Variants in RGS12 observed in about 807,000 individuals in gnomAD.
RGS12 encodes the protein regulator of G-protein signaling 12.
Under a neutral mutation model 120.1 loss-of-function variants are expected in RGS12, and 66 were observed. The ratio of observed to expected loss-of-function variants is 0.55; its 90% CI spans 0.45 to 0.67. RGS12 has a LOEUF of 0.67. Among genes scored for constraint, RGS12 ranks in the 30% least tolerant of loss-of-function variants. The pLI, the probability that RGS12 is intolerant of heterozygous loss-of-function variation, is 0.00. For missense variants in RGS12, 1,859 were observed against 1,957.7 expected, an observed-to-expected ratio of 0.95 and a Z score of 0.95; for synonymous variants, 827 against 804.7, an observed-to-expected ratio of 1.03 and a Z score of -0.47.
chr4:3,355,569 C>T (rs549756843), intron 3 of RGS12, among the ~76,000 whole-genome samples: 1 of 151,954 alleles, frequency 6.6e-6, no homozygotes, highest in Admixed American at 6.6e-5. Flanking sequence ...CTGAAGTGGG[C>T]AGATCATTTG....
Position 3,425,580 on chromosome 4 carries a change from C to G in RGS12, c.3331+20C>G. 1 of 1,459,866 alleles carries G rather than the reference C, an allele frequency of 6.8e-7. No homozygotes were observed. Among genetic ancestry groups the G allele is most frequent in the Non-Finnish European group, 9.2e-7 (1 of 1,087,338 alleles). The allele number at this position is 1,459,866 out of a possible 1,614,324, so 90.4% of individuals were successfully genotyped here. On this transcript the variant is annotated intron_variant, in intron 14 of 17. Coordinates refer to ENST00000336727, the MANE Select transcript of RGS12 (RefSeq NM_001394154.1). ...GAAAGGGTGAGTAGGGCTGGTGCAG[C>G]GGATGGGGAGAGGGTGAGTGGGTCC...
At chr4:3,334,861 G>A (rs1712272297) in intron 2 of RGS12, among the ~76,000 whole-genome samples, 1 of 152,096 alleles carries the variant, frequency 6.6e-6, no homozygotes, top group South Asian at 2.1e-4. Flanking sequence ...CTGATGTGTT[G>A]GGTGACTGGC....
At chr4:3,436,125 C>G (rs1232923079) in intron 17 of RGS12, among the ~76,000 whole-genome samples, 1 of 147,770 alleles carries the variant, frequency 6.8e-6, no homozygotes, top group Non-Finnish European at 1.5e-5. Context: ...ACAGGGGGAC[C>G]TTGGGGGGGT....
chr4:3,394,176 T>G (rs1007812724), intron 4 of RGS12, among the ~76,000 whole-genome samples: 1 of 152,136 alleles, frequency 6.6e-6, no homozygotes, highest in African/African-American at 2.4e-5. Flanking sequence ...TTTTTTTTCT[T>G]TTTTGAGACA....
chr4:3,287,602 A>G, the RGS12 span, among the ~76,000 whole-genome samples: 1 of 152,340 alleles, frequency 6.6e-6, no homozygotes, highest in South Asian at 2.1e-4. Context: ...TAGGAATAAT[A>G]TGGTCTACTT....
intron 3 of RGS12, among the ~76,000 whole-genome samples, chr4:3,383,163 G>C (rs541317756): frequency 1.3e-5 from 2 of 152,254 alleles, no homozygotes; most frequent in South Asian, 4.1e-4. Context: ...AGGATCTCAG[G>C]TTGAGGGGAC....
rs1227857970 is a variant in RGS12 at position 3,416,047 on chromosome 4, G to A, written c.2353G>A (p.Asp785Asn). ...CAAAGCCACCACCCCGGTCAACATC[G>A]ACAGCCAGGCCCAGCTAGCAGACGA... ...CSKATTPVNIDSQAQLADDVL... is the reference protein window; with the variant it reads ...CSKATTPVNINSQAQLADDVL... Residue 785 changes from aspartate to asparagine, a missense_variant, in exon 7 of 18, where the codon GAC (aspartate) becomes AAC (asparagine). Asp to Asn is a conservative substitution (Grantham distance 23, BLOSUM62 1). Coordinates refer to ENST00000336727, the MANE Select transcript of RGS12 (RefSeq NM_001394154.1). 1.9e-5 allele frequency: 31 copies of A among 1,613,844 alleles called. No homozygotes were observed. The highest frequency in any genetic ancestry group is 2.3e-5 in the Non-Finnish European group (27 of 1,180,006).
intron 17 of RGS12, among the ~76,000 whole-genome samples, chr4:3,436,108 C>T (rs1450517939): frequency 1.3e-5 from 2 of 150,766 alleles, no homozygotes; most frequent in African/African-American, 2.4e-5. Flanking sequence ...GCTGGGGACC[C>T]ACACGGACAG....
intron 14 of RGS12, among the ~76,000 whole-genome samples, chr4:3,427,861 C>G (rs140943780): frequency 6.6e-6 from 1 of 152,354 alleles, no homozygotes; most frequent in East Asian, 1.9e-4. Context: ...CATCACTCCT[C>G]CAGCAAGTCC....
At chr4:3,413,273 T>C (rs1251589411) in intron 4 of RGS12, 1 of 152,270 alleles carries the variant, frequency 6.6e-6, no homozygotes, top group African/African-American at 2.4e-5. Flanking sequence ...CTTCTCTTTA[T>C]TCGAGAGCTC....
At chr4:3,357,341 C>G (rs1271868776) in intron 3 of RGS12, among the ~76,000 whole-genome samples, 2 of 152,096 alleles carry the variant, frequency 1.3e-5, no homozygotes, top group Non-Finnish European at 2.9e-5. Context: ...CCTTTTTACT[C>G]TATTGATATT....
chr4:3,424,957 A>G (rs1472555654), intron 13 of RGS12, among the ~76,000 whole-genome samples: 1 of 152,240 alleles, frequency 6.6e-6, no homozygotes, highest in East Asian at 1.9e-4. Context: ...AAACATGTTC[A>G]GATGTCTTTT....
In RGS12 at chr4:3,389,068, C is replaced by A. The variant is rs999605435; in HGVS notation, c.2020+2631C>A. ...AGTGAGAGAGTTCGTGTTCATGCCA[C>A]GGTTTCATTCTGTGACGCGTATCGT... On this transcript the variant is annotated intron_variant, in intron 4 of 17. Coordinates refer to ENST00000336727, the MANE Select transcript of RGS12 (RefSeq NM_001394154.1). The surrounding 1 kb of genome is among the most constrained non-coding windows in gnomAD (Gnocchi z 5.2). Among the ~76,000 whole-genome samples, 2 of 152,160 alleles carry A rather than the reference C, an allele frequency of 1.3e-5. No individual in the cohort carries two copies. Among genetic ancestry groups the A allele is most frequent in the South Asian group, 4.1e-4 (2 of 4,830 alleles).
rs1344775488 is a variant in RGS12, at chr4:3,431,753, T to G, written c.4114+798T>G. On this transcript the variant is annotated intron_variant, in intron 17 of 17. Transcript: ENST00000336727. ...CGCTCAGGGTGCGCGTCATGGAGTG[T>G]GCTCAGGGGTGCGTGGACACCTCTG... The G allele has an allele frequency of 3.0e-6, 3 of 985,498 alleles. No individual in the cohort carries two copies. The East Asian group carries it at 3.4e-4, about 112-fold the overall frequency. 61.0% of individuals were successfully genotyped at this position (985,498 alleles called of 1,614,324 possible).
In RGS12 at chr4:3,428,559, G is replaced by C; in HGVS notation, c.3413G>C (p.Gly1138Ala). 1 of 1,577,372 alleles carries C rather than the reference G, an allele frequency of 6.3e-7. No homozygotes were observed. Among genetic ancestry groups the C allele is most frequent in the East Asian group, 2.2e-5 (1 of 44,660 alleles). ...NSSSRNHSAT[G>A]EERTLGKSNS... ...ACTTTGACTTTCCTTCTAATGCAGG[G>C]AGAGGAAAGAACACTAGGCAAGTCT... The change falls in exon 16 of 18, where the codon GGA becomes GCA. Residue 1138 changes from glycine (G) to alanine (A), a missense_variant and splice_region_variant. Gly to Ala is a moderately conservative substitution (Grantham distance 60, BLOSUM62 0). This residue lies in a region of RGS12 where 517 missense variants were observed against 488.5 expected (regional missense o/e 1.06). Coordinates refer to ENST00000336727, the MANE Select transcript of RGS12 (RefSeq NM_001394154.1).
rs760496422 is a variant in RGS12, at chr4:3,414,076, G to T, written c.2025G>T (p.Leu675Phe). The T allele has an allele frequency of 6.4e-7, 1 of 1,558,410 alleles. No individual in the cohort carries two copies. ...CTGTCTGTGCTGGTCCCGCAGAGTT[G>T]ACGGGCGCCGACCTGAAGGACTGCG... Reference protein sequence around the residue: ...LESATVSDGELTGADLKDCVS... With the variant: ...LESATVSDGEFTGADLKDCVS... The change falls in exon 5 of 18, where the codon TTG becomes TTT. Residue 675 changes from leucine to phenylalanine, a missense_variant. Physicochemically the swap from Leu to Phe is conservative, Grantham distance 22 (BLOSUM62 0). Transcript: ENST00000336727.
chr4:3,390,182 A>G lies in RGS12; in HGVS notation c.2020+3745A>G, dbSNP rs1417524291. 6.6e-6 allele frequency among the ~76,000 whole-genome samples: 1 copy of G among 152,186 alleles called. No homozygotes were observed. The highest frequency in any genetic ancestry group is 2.4e-5 in the African/African-American group (1 of 41,448). ...TGGTCTCCAATGGTGCCTCAGGCAC[A>G]TGCGGTTTCCCTCTTCCCTTCCTGA... On this transcript the variant is annotated intron_variant, in intron 4 of 17. Transcript: ENST00000336727. The surrounding 1 kb of genome is among the most constrained non-coding windows in gnomAD (Gnocchi z 4.6).
chr4:3,338,550 G>A (rs896705869), intron 2 of RGS12, among the ~76,000 whole-genome samples: 6 of 152,252 alleles, frequency 3.9e-5, no homozygotes, highest in Non-Finnish European at 8.8e-5. Context: ...CAGGTTGATT[G>A]GCCTGAGGCC....
chr4:3,375,102 G>A (rs1454311032), intron 3 of RGS12, among the ~76,000 whole-genome samples: 1 of 152,198 alleles, frequency 6.6e-6, no homozygotes, highest in Non-Finnish European at 1.5e-5. Context: ...TGCCAGGAGG[G>A]GTCGGAGCTC....
Sources: gnomAD v4.1 joint callset for allele counts (sites outside exome capture counted in the v4.1 genomes callset) on GRCh38, gnomAD v4.1.1 for gene constraint, gnomAD v4.1.1 regional missense constraint, Gnocchi (gnomAD v3.1) non-coding constraint, MANE v1.5 for transcripts, NCBI Gene and HGNC (gene_info 2026-07-23, HGNC 2026-07-21) for gene names.